ARPC2: variants seen among roughly 807,000 people sequenced by gnomAD.
ARPC2 encodes the protein actin-related protein 2/3 complex subunit 2.
In ARPC2, 4 loss-of-function variants were observed where a neutral mutation model predicts 38.6. That is an observed-to-expected ratio of 0.10 (90% confidence interval 0.05 to 0.24). The LOEUF (loss-of-function observed/expected upper bound fraction) is 0.24. ARPC2 is among the 10% of genes least tolerant of loss of function. The probability of loss-of-function intolerance (pLI) is 1.00; values close to 1 mark genes in which losing one functional copy is unlikely to be tolerated. For synonymous variants in ARPC2, 125 were observed against 140.8 expected, an observed-to-expected ratio of 0.89 and a Z score of 0.79; for missense variants, 229 against 387.3, an observed-to-expected ratio of 0.59 and a Z score of 3.43.
chr2:218,236,918 A>G (rs1170901834), intron 5 of ARPC2, among the ~76,000 whole-genome samples: 1 of 152,246 alleles, frequency 6.6e-6, no homozygotes, highest in Non-Finnish European at 1.5e-5. Context: ...AGTTGCCTAG[A>G]ATATAAAATG....
intron 8 of ARPC2, among the ~76,000 whole-genome samples, chr2:218,247,098 C>T (rs1005023342): frequency 6.6e-6 from 1 of 152,156 alleles, no homozygotes; most frequent in Non-Finnish European, 1.5e-5. Flanking sequence ...ACACTCCAGC[C>T]TGGGTGGCAG....
At chr2:218,246,090 G>A (rs977638128) in intron 8 of ARPC2, among the ~76,000 whole-genome samples, 1 of 151,982 alleles carries the variant, frequency 6.6e-6, no homozygotes, top group Admixed American at 6.6e-5. Context: ...GGTGGCGCAC[G>A]TCTGTAGTCC....
At chr2:218,234,989 T>C (rs1014787576) in intron 5 of ARPC2, 2 of 385,510 alleles carry the variant, frequency 5.2e-6, no homozygotes, top group Non-Finnish European at 1.0e-5. Context: ...ACCCTGTGAT[T>C]CAGTGGCATG....
At chr2:218,237,788 A>G (rs1417774942) in intron 5 of ARPC2, among the ~76,000 whole-genome samples, 1 of 147,892 alleles carries the variant, frequency 6.8e-6, no homozygotes, top group Non-Finnish European at 1.5e-5. Context: ...ACTGCTCTCA[A>G]AACTCCTGAC....
chr2:218,249,793 C>A, intron 9 of ARPC2, 28 bp from the exon 10 acceptor site: 2 of 1,588,702 alleles, frequency 1.3e-6, no homozygotes, highest in Non-Finnish European at 1.7e-6. Context: ...CATGACTGTG[C>A]TTTAGTACCT....
intron 10 of ARPC2, 22 bp downstream of exon 10, chr2:218,249,943 C>CG (rs1559484362): frequency 6.4e-7 from 1 of 1,567,662 alleles, no homozygotes; most frequent in East Asian, 2.3e-5. Flanking sequence ...AGCACCCCAG[C>CG]GACCACCTTC....
rs151116900 is a variant in ARPC2 at position 218,218,245 on chromosome 2, T to G, written c.74+701T>G. ...ATGCTCTCTCCTCACCCACTAGCCT[T>G]TATCTGGTTATCTTGTAAATTCTTA... On this transcript the variant is annotated intron_variant, in intron 2 of 10. Transcript: ENST00000315717. Among the ~76,000 whole-genome samples the G allele has an allele frequency of 3.6e-3, 550 of 152,334 alleles. 5 individuals are homozygous for G. The highest frequency in any genetic ancestry group is 0.012 in the African/African-American group (516 of 41,576).
chr2:218,230,357 TCACA>T (rs1689606562), intron 4 of ARPC2, among the ~76,000 whole-genome samples: 1 of 119,392 alleles, frequency 8.4e-6, no homozygotes, highest in Non-Finnish European at 1.6e-5. Flanking sequence ...AGTGGCACAA[TCACA>T]GCCACTGCAC....
chr2:218,222,508 G>A (rs1212333980), intron 2 of ARPC2, among the ~76,000 whole-genome samples: 1 of 152,152 alleles, frequency 6.6e-6, no homozygotes, highest in Non-Finnish European at 1.5e-5. Flanking sequence ...GTCTTGGGTT[G>A]TCCAGGCAGT....
intron 7 of ARPC2, among the ~76,000 whole-genome samples, chr2:218,240,662 TGGGCGG>T (rs2106155006): frequency 6.6e-6 from 1 of 151,924 alleles, no homozygotes; most frequent in South Asian, 2.1e-4. Flanking sequence ...GAGGCCGAGG[TGGGCGG>T]ATCACGAGGT....
At position 218,227,900 on chromosome 2, in the gene ARPC2, G is replaced by A. The variant is rs146808731; in HGVS notation, c.110-838G>A. On this transcript the variant is annotated intron_variant, in intron 3 of 10. Coordinates refer to ENST00000315717, the MANE Select transcript of ARPC2 (RefSeq NM_152862.3). ...GGCTTGAGCCACTGTGCCCGGCCTT[G>A]ACTGAATATTTGATATTAAGAAATT... Among the ~76,000 whole-genome samples the A allele has an allele frequency of 4.2e-4, 64 of 152,274 alleles. 2 individuals are homozygous for A. The South Asian group carries it at 7.0e-3, about 17-fold the overall frequency.
intron 10 of ARPC2, among the ~76,000 whole-genome samples, chr2:218,250,976 C>T (rs1690174948): frequency 6.6e-6 from 1 of 151,764 alleles, no homozygotes; most frequent in South Asian, 2.1e-4. Context: ...GCTGGGACTG[C>T]AGGTGCACAC....
intron 2 of ARPC2, among the ~76,000 whole-genome samples, chr2:218,223,073 T>G (rs1689420521): frequency 6.6e-6 from 1 of 152,204 alleles, no homozygotes; most frequent in African/African-American, 2.4e-5. Flanking sequence ...TTTGAGAAAC[T>G]TTGCTGTACA....
At position 218,217,251 on chromosome 2, in the gene ARPC2, C is replaced by G; in HGVS notation, c.-12C>G. On this transcript the variant is annotated 5_prime_UTR_variant, in exon 1 of 11. Coordinates refer to ENST00000315717, the MANE Select transcript of ARPC2 (RefSeq NM_152862.3). Reference sequence around the variant, plus strand: ...GGCAGGCGGGTTCAGGCTTCGGGGGCCAGGTCGGTTGGGTGGGTGGGTGTC... The same window carrying G: ...GGCAGGCGGGTTCAGGCTTCGGGGGGCAGGTCGGTTGGGTGGGTGGGTGTC... The G allele has an allele frequency of 2.1e-6, 1 of 468,504 alleles. No homozygotes were observed. Among genetic ancestry groups the G allele is most frequent in the South Asian group, 2.8e-5 (1 of 36,080 alleles). The allele number at this position is 468,504 out of a possible 1,614,324, so 29.0% of individuals were successfully genotyped here. A position where few individuals can be genotyped will look rare whatever the true frequency, so the allele number is the denominator to read the frequency against.
chr2:218,232,530 G>A (rs1279903570), intron 4 of ARPC2, among the ~76,000 whole-genome samples: 5 of 149,362 alleles, frequency 3.3e-5, no homozygotes, highest in African/African-American at 1.2e-4. Context: ...AGAAGGGCAA[G>A]AGAGGGCCAG....
chr2:218,227,367 GACA>G (rs1342006779), intron 3 of ARPC2, among the ~76,000 whole-genome samples: 2 of 152,168 alleles, frequency 1.3e-5, no homozygotes, highest in East Asian at 1.9e-4. Context: ...ATTCAAATAA[GACA>G]ACAATGCTTA....
In ARPC2 at chr2:218,248,890, G is replaced by A. The variant is rs188908587; in HGVS notation, c.677-474G>A. 1.4e-3 allele frequency among the ~76,000 whole-genome samples: 219 copies of A among 152,300 alleles called. 1 individual carries two copies. Among genetic ancestry groups the A allele is most frequent in the African/African-American group, 5.1e-3 (210 of 41,570 alleles). Reference sequence around the variant, plus strand: ...ACCTTATTGTCTGTTTTCACAGTGAGAATATGGGAAATTCTCTGGCATCTG... The same window carrying A: ...ACCTTATTGTCTGTTTTCACAGTGAAAATATGGGAAATTCTCTGGCATCTG... On this transcript the variant is annotated intron_variant, in intron 8 of 10. Coordinates refer to ENST00000315717, the MANE Select transcript of ARPC2 (RefSeq NM_152862.3).
chr2:218,250,385 C>T (rs6736362), intron 10 of ARPC2, among the ~76,000 whole-genome samples: 66,110 of 152,070 alleles, frequency 0.43, 17,526 homozygotes, highest in South Asian at 0.6. Flanking sequence ...AGAGCCGTGA[C>T]GGGCGCTGTG....
chr2:218,242,797 T>C (rs2106156113), intron 7 of ARPC2, among the ~76,000 whole-genome samples: 1 of 152,364 alleles, frequency 6.6e-6, no homozygotes, highest in Middle Eastern at 3.4e-3. Context: ...TGTCTCTTTA[T>C]GTCCTTTACC....
Sources: gnomAD v4.1 joint callset for allele counts (sites outside exome capture counted in the v4.1 genomes callset) on GRCh38, gnomAD v4.1.1 for gene constraint, MANE v1.5 for transcripts, NCBI Gene and HGNC (gene_info 2026-07-23, HGNC 2026-07-21) for gene names.